NEMF: variants seen among roughly 807,000 people sequenced by gnomAD.
The protein encoded by NEMF is nuclear export mediator factor.
A neutral mutation model predicts 162.2 loss-of-function variants in NEMF; 89 were observed. That is an observed-to-expected ratio of 0.55 (90% CI 0.46 to 0.65). The LOEUF (loss-of-function observed/expected upper bound fraction) is 0.65, where lower values mean the gene tolerates loss of function less well. NEMF is among the 30% of genes least tolerant of loss of function. The pLI is 0.00. For missense variants in NEMF, 1,133 were observed against 1,261.9 expected, an observed-to-expected ratio of 0.90 and a Z score of 1.55; for synonymous variants, 421 against 404.5, an observed-to-expected ratio of 1.04 and a Z score of -0.49.
At chr14:49,847,491 ACCACAC>A (rs1283430083) in intron 3 of NEMF, among the ~76,000 whole-genome samples, 2 of 152,158 alleles carry the variant, frequency 1.3e-5, no homozygotes, top group East Asian at 3.9e-4. Flanking sequence ...GGCGTGAGCC[ACCACAC>A]CCAGTCCCTT....
chr14:49,782,423 G>A lies in NEMF; in HGVS notation c.*2213C>T, dbSNP rs1304467262. On this transcript the variant is annotated 3_prime_UTR_variant, in exon 33 of 33. Transcript: ENST00000298310. Reference sequence around the variant, plus strand: ...GAAGGAGAAGTAATTGTTTTTGGTGGATGTGCCAACAACTTGCTTGTCCAT... The same window carrying A: ...GAAGGAGAAGTAATTGTTTTTGGTGAATGTGCCAACAACTTGCTTGTCCAT... 1 of 1,612,212 alleles carries A rather than the reference G, an allele frequency of 6.2e-7. No individual in the cohort carries two copies. The highest frequency in any genetic ancestry group is 8.5e-7 in the Non-Finnish European group (1 of 1,178,560).
At position 49,782,860 on chromosome 14, in the gene NEMF, A is replaced by T; in HGVS notation, c.*1776T>A. ...GCTTAGAAGCAGTCATTTGCTTTAA[A>T]GAAATGTTAGCCAACTCATGGAACT... On this transcript the variant is annotated 3_prime_UTR_variant, in exon 33 of 33. Coordinates refer to ENST00000298310, the MANE Select transcript of NEMF (RefSeq NM_004713.6). 6.2e-7 allele frequency: 1 copy of T among 1,613,958 alleles called. No homozygotes were observed. The highest frequency in any genetic ancestry group is 8.5e-7 in the Non-Finnish European group (1 of 1,179,894).
intron 16 of NEMF, among the ~76,000 whole-genome samples, chr14:49,819,781 A>G (rs1891904950): frequency 6.6e-6 from 1 of 152,076 alleles, no homozygotes; most frequent in Non-Finnish European, 1.5e-5. Context: ...CCTGAGGTAG[A>G]GCAATTGCAT....
intron 22 of NEMF, among the ~76,000 whole-genome samples, chr14:49,802,120 G>C (rs1356597949): frequency 1.3e-5 from 2 of 151,626 alleles, no homozygotes; most frequent in Non-Finnish European, 2.9e-5. Flanking sequence ...ACGCCTGGGT[G>C]ATTTTTTTGG....
At chr14:49,810,517 T>G (rs1166328884) in intron 18 of NEMF, among the ~76,000 whole-genome samples, 1 of 152,220 alleles carries the variant, frequency 6.6e-6, no homozygotes, top group Non-Finnish European at 1.5e-5. Flanking sequence ...TATTTGTCCA[T>G]CCTCATGCCA....
chr14:49,843,840 T>C (rs1893335539), intron 4 of NEMF, among the ~76,000 whole-genome samples: 1 of 152,262 alleles, frequency 6.6e-6, no homozygotes, highest in Non-Finnish European at 1.5e-5. Flanking sequence ...GGCTCATGCC[T>C]GTGATCCCAG....
intron 26 of NEMF, among the ~76,000 whole-genome samples, chr14:49,793,205 A>C (rs1890536110): frequency 6.6e-6 from 1 of 152,198 alleles, no homozygotes; most frequent in East Asian, 1.9e-4. Flanking sequence ...TCACTGCAAA[A>C]AAAAACATGG....
intron 26 of NEMF, among the ~76,000 whole-genome samples, chr14:49,791,110 T>G (rs113899283): frequency 1.4e-3 from 202 of 142,982 alleles, no homozygotes; most frequent in African/African-American, 5.1e-3. Context: ...CCGAGGCGGG[T>G]GGATCACAAG....
chr14:49,844,951 T>C (rs1566711219), intron 4 of NEMF: 1 of 195,278 alleles, frequency 5.1e-6, no homozygotes, highest in Non-Finnish European at 1.1e-5. Context: ...GTATTTTTAG[T>C]AGAGATGCAG....
At chr14:49,824,858 A>G (rs1892261475) in intron 16 of NEMF, among the ~76,000 whole-genome samples, 1 of 152,222 alleles carries the variant, frequency 6.6e-6, no homozygotes, top group African/African-American at 2.4e-5. Context: ...GAGATCCAGA[A>G]AAGAGTTTCC....
chr14:49,843,789 A>G (rs1006827790), intron 4 of NEMF, among the ~76,000 whole-genome samples: 3 of 152,184 alleles, frequency 2.0e-5, no homozygotes, highest in Non-Finnish European at 4.4e-5. Flanking sequence ...AAGTACAGTA[A>G]AAATATGGTA....
intron 4 of NEMF, among the ~76,000 whole-genome samples, chr14:49,843,806 C>T (rs953744860): frequency 6.6e-6 from 1 of 151,944 alleles, no homozygotes; most frequent in African/African-American, 2.4e-5. Flanking sequence ...GGTATTACAA[C>T]AACAGTTCCA....
intron 3 of NEMF, among the ~76,000 whole-genome samples, chr14:49,846,972 G>A (rs773625747): frequency 2.0e-5 from 3 of 152,058 alleles, no homozygotes; most frequent in Admixed American, 1.3e-4. Context: ...TGCAACCTCC[G>A]CCTCCCAGGT....
intron 3 of NEMF, among the ~76,000 whole-genome samples, chr14:49,849,092 A>G (rs892085922): frequency 1.2e-4 from 19 of 152,296 alleles, no homozygotes; most frequent in African/African-American, 4.6e-4. Context: ...TTCCTAGGAT[A>G]AACAATCTGC....
At chr14:49,796,752 C>T (rs752937467) in intron 25 of NEMF, among the ~76,000 whole-genome samples, 1 of 152,200 alleles carries the variant, frequency 6.6e-6, no homozygotes, top group Non-Finnish European at 1.5e-5. Context: ...TTAAGTACTC[C>T]ACTTTTAGTC....
rs539061391 is a variant in NEMF, at chr14:49,787,478, G to A, written c.2896-728C>T. Reference sequence around the variant, plus strand: ...AGGTCGGGGGATCCCTTGAGCCCAGGAGTTCGACACCAGCCTGGGCAACAC... The same window carrying A: ...AGGTCGGGGGATCCCTTGAGCCCAGAAGTTCGACACCAGCCTGGGCAACAC... On this transcript the variant is annotated intron_variant, in intron 28 of 32. Transcript: ENST00000298310. Among the ~76,000 whole-genome samples the A allele has an allele frequency of 3.6e-4, 55 of 152,258 alleles. No homozygotes were observed. In the South Asian group the frequency reaches 5.8e-3, roughly 16 times the overall value.
At chr14:49,813,851 A>G (rs1393919264) in intron 18 of NEMF, 137 bp downstream of exon 18, 2 of 606,428 alleles carry the variant, frequency 3.3e-6, no homozygotes, top group Middle Eastern at 4.7e-4. Flanking sequence ...TAATCCTCAC[A>G]CTTCAGCTTC....
intron 16 of NEMF, among the ~76,000 whole-genome samples, chr14:49,815,267 TA>T (rs1365586624): frequency 6.6e-6 from 1 of 152,150 alleles, no homozygotes; most frequent in Non-Finnish European, 1.5e-5. Flanking sequence ...TGAACGTAAT[TA>T]ATCTTTAATA....
Position 49,782,853 on chromosome 14 carries a change from G to C in NEMF, c.*1783C>G, listed in dbSNP as rs777147049. On this transcript the variant is annotated 3_prime_UTR_variant, in exon 33 of 33. Coordinates refer to ENST00000298310, the MANE Select transcript of NEMF (RefSeq NM_004713.6). ...AGGCTAAGCTTAGAAGCAGTCATTTGCTTTAAAGAAATGTTAGCCAACTCA... is the reference window on the plus strand; with the variant it reads ...AGGCTAAGCTTAGAAGCAGTCATTTCCTTTAAAGAAATGTTAGCCAACTCA... 1.1e-5 allele frequency: 18 copies of C among 1,613,766 alleles called. No homozygotes were observed. The highest frequency in any genetic ancestry group is 1.4e-5 in the Non-Finnish European group (16 of 1,179,830).
Sources: allele counts gnomAD v4.1 joint callset (sites outside exome capture counted in the v4.1 genomes callset), GRCh38; gene constraint gnomAD v4.1.1; transcripts MANE v1.5; gene names NCBI Gene and HGNC (gene_info 2026-07-23, HGNC 2026-07-21).